Variants in FBP2 observed in about 807,000 individuals in gnomAD.
FBP2 encodes the protein fructose-1,6-bisphosphatase isozyme 2.
A neutral mutation model predicts 31.6 loss-of-function variants in FBP2; 27 were observed. The observed-to-expected ratio is 0.85, with a 90% confidence interval of 0.63 to 1.18. FBP2 has a LOEUF of 1.18. FBP2 is among the 50% of genes most tolerant of loss of function. FBP2 has a pLI of 0.00. For missense variants in FBP2, 421 were observed against 436.1 expected, an observed-to-expected ratio of 0.97 and a Z score of 0.31; for synonymous variants, 168 against 179.8, an observed-to-expected ratio of 0.93 and a Z score of 0.53.
chr9:94,565,537 T>C lies in FBP2; in HGVS notation c.705+1733A>G, dbSNP rs1435534365. On this transcript the variant is annotated intron_variant, in intron 5 of 6. Coordinates refer to ENST00000375337, the MANE Select transcript of FBP2 (RefSeq NM_003837.4). ...AACATTAAGTCATAAAATCAAAACA[T>C]TTAAATACAGAAAGAATCTTTCAGC... Among the ~76,000 whole-genome samples the C allele has an allele frequency of 2.0e-5, 3 of 152,126 alleles. No individual in the cohort carries two copies. In the East Asian group the frequency reaches 5.8e-4, roughly 29 times the overall value.
intron 3 of FBP2, among the ~76,000 whole-genome samples, chr9:94,573,519 TC>T (rs139826106): frequency 0.49 from 73,726 of 151,826 alleles, 18,505 homozygotes; most frequent in African/African-American, 0.6. Flanking sequence ...TCAGCAAGTT[TC>T]TTTTTTAAAT....
rs770694282 is a variant in FBP2, at chr9:94,587,449, A to C, written c.191T>G (p.Val64Gly). The C allele has an allele frequency of 3.7e-6, 6 of 1,614,014 alleles. No individual in the cohort carries two copies. Among genetic ancestry groups the C allele is most frequent in the Non-Finnish European group, 5.1e-6 (6 of 1,179,992 alleles). The change falls in exon 2 of 7, where the codon GTT (valine) becomes GGT (glycine). Residue 64 changes from valine to glycine, a missense_variant. By Grantham distance (109) the Val-to-Gly change is moderately radical (BLOSUM62 -3). Coordinates refer to ENST00000375337, the MANE Select transcript of FBP2 (RefSeq NM_003837.4). The part of the protein sequence containing the change: ...LAHLYGIAGS[V>G]NVTGDEVKKL... ...CTTCACCTCATCTCCCGTCACGTTA[A>C]CGCTTCCTGCGATTCCATACCTGAG...
chr9:94,591,627 C>T (rs1354584569), intron 1 of FBP2, among the ~76,000 whole-genome samples: 2 of 152,230 alleles, frequency 1.3e-5, no homozygotes, highest in African/African-American at 2.4e-5. Context: ...CCTCAAATGC[C>T]GCCAGTGGTC....
At chr9:94,561,803 G>A (rs1399490725) in intron 6 of FBP2, among the ~76,000 whole-genome samples, 4 of 152,114 alleles carry the variant, frequency 2.6e-5, no homozygotes, top group East Asian at 1.9e-4. Flanking sequence ...GCAGAAATGC[G>A]GAGATTAGGA....
At chr9:94,561,646 T>G (rs992939282) in intron 6 of FBP2, among the ~76,000 whole-genome samples, 1 of 152,094 alleles carries the variant, frequency 6.6e-6, no homozygotes, top group Admixed American at 6.5e-5. Flanking sequence ...ATTACAGGCG[T>G]GAGCCACCGC....
intron 1 of FBP2, among the ~76,000 whole-genome samples, chr9:94,590,045 C>A (rs964438925): frequency 6.6e-6 from 1 of 152,104 alleles, no homozygotes; most frequent in Non-Finnish European, 1.5e-5. Context: ...TGCAAATGCC[C>A]CCTCATCCGC....
chr9:94,566,935 CTGAG>C (rs1827198227), intron 5 of FBP2, among the ~76,000 whole-genome samples: 1 of 144,900 alleles, frequency 6.9e-6, no homozygotes, highest in South Asian at 2.3e-4. Flanking sequence ...GCAAATGCAA[CTGAG>C]TGAGTCTATA....
At chr9:94,593,479 G>T in intron 1 of FBP2, 78 bp downstream of exon 1, 1 of 1,409,600 alleles carries the variant, frequency 7.1e-7, no homozygotes. Flanking sequence ...CCAGTTTCTT[G>T]CCAAAGCACC....
rs780120443 is a variant in FBP2 at position 94,567,251 on chromosome 9, C to T, written c.705+19G>A. The T allele has an allele frequency of 2.5e-6, 4 of 1,613,760 alleles. No homozygotes were observed. In the East Asian group the frequency reaches 6.7e-5, roughly 27 times the overall value. On this transcript the variant is annotated intron_variant, in intron 5 of 6. Coordinates refer to ENST00000375337, the MANE Select transcript of FBP2 (RefSeq NM_003837.4). The stretch of plus-strand genomic sequence containing the variant: ...GGGACAGCATTCTGTCTGCCACCCA[C>T]CTGGCTTTCTTCACTCACCTCAGGG...
chr9:94,570,738 A>G (rs1827259657), intron 4 of FBP2: 1 of 152,068 alleles, frequency 6.6e-6, no homozygotes. Context: ...CTGGGTTTCC[A>G]TACTGTAAAC....
intron 6 of FBP2, 93 bp from the exon 7 acceptor site, chr9:94,559,225 G>T (rs1564177866): frequency 9.6e-6 from 11 of 1,144,974 alleles, no homozygotes. Flanking sequence ...TTGTACTGCG[G>T]TGCTTCCATC....
chr9:94,582,349 TGC>T (rs756283692), intron 3 of FBP2, among the ~76,000 whole-genome samples: 5,155 of 86,234 alleles, frequency 0.06, 135 homozygotes, highest in South Asian at 0.16. Context: ...TGTGTGTGTG[TGC>T]GTGTGTGTGT....
In FBP2 at chr9:94,571,507, C is replaced by A. The variant is rs1468714822; in HGVS notation, c.522G>T (p.Val174=). ...GYALYGSATL[V]ALSTGQGVDL... is the part of the protein sequence containing the mutation. ...CCACGCCTTGCCCTGTGGAGAGAGC[C>A]ACCAGGGTTGCACTACCGTACAGCG... Residue 174 remains valine (V), a synonymous_variant, in exon 4 of 7, where the codon GTG becomes GTT. Coordinates refer to ENST00000375337, the MANE Select transcript of FBP2 (RefSeq NM_003837.4). 3 of 1,613,962 alleles carry A rather than the reference C, an allele frequency of 1.9e-6. No homozygotes were observed. Among genetic ancestry groups the A allele is most frequent in the Non-Finnish European group, 2.5e-6 (3 of 1,179,942 alleles).
At chr9:94,577,344 T>A (rs1178957310) in intron 3 of FBP2, 1 of 152,244 alleles carries the variant, frequency 6.6e-6, no homozygotes, top group South Asian at 2.1e-4. Flanking sequence ...TCCAACATCA[T>A]GGCCTCTGAT....
At chr9:94,563,543 GT>G in intron 5 of FBP2, 82 bp from the exon 6 acceptor site, 1 of 1,495,818 alleles carries the variant, frequency 6.7e-7, no homozygotes, top group South Asian at 1.2e-5. Context: ...AGTCCAGTTG[GT>G]GTGACCTCTG....
intron 5 of FBP2, among the ~76,000 whole-genome samples, chr9:94,565,458 T>C (rs1160169442): frequency 6.6e-6 from 1 of 152,150 alleles, no homozygotes; most frequent in Non-Finnish European, 1.5e-5. Flanking sequence ...CTTATATTTT[T>C]TGTTGTCTTT....
chr9:94,569,150 A>T (rs1009483032), intron 4 of FBP2: 2 of 152,226 alleles, frequency 1.3e-5, no homozygotes, highest in African/African-American at 4.8e-5. Context: ...AGGAAGACTC[A>T]TATCTGGGCC....
rs751160942 is a variant in FBP2, at chr9:94,593,707, A to G, written c.20T>C (p.Phe7Ser). MTDRSP[F>S]ETDMLTLTRY... is the part of the protein sequence containing the mutation. ...GGTCAGGGTGAGCATGTCGGTTTCGAAGGGGCTTCTGTCCGTCATTTTGGC... is the reference window on the plus strand; with the variant it reads ...GGTCAGGGTGAGCATGTCGGTTTCGGAGGGGCTTCTGTCCGTCATTTTGGC... The change falls in exon 1 of 7, where the codon TTC becomes TCC. Residue 7 changes from phenylalanine to serine, a missense_variant. Coordinates refer to ENST00000375337, the MANE Select transcript of FBP2 (RefSeq NM_003837.4). The G allele has an allele frequency of 1.2e-6, 2 of 1,614,034 alleles. No homozygotes were observed. The highest frequency in any genetic ancestry group is 1.7e-6 in the Non-Finnish European group (2 of 1,180,006).
intron 3 of FBP2, among the ~76,000 whole-genome samples, chr9:94,581,099 C>G (rs901943629): frequency 6.6e-6 from 1 of 152,224 alleles, no homozygotes; most frequent in African/African-American, 2.4e-5. Context: ...TATAAGCCTC[C>G]TTTCCTGTCA....
Sources: allele counts gnomAD v4.1 joint callset (sites outside exome capture counted in the v4.1 genomes callset), GRCh38; gene constraint gnomAD v4.1.1; transcripts MANE v1.5; gene names NCBI Gene and HGNC (gene_info 2026-07-23, HGNC 2026-07-21).